The following DHX57 variants were observed in gnomAD, a reference collection of about 807,000 sequenced individuals.
DHX57 encodes the protein DExH-box helicase 57, also known as putative ATP-dependent RNA helicase DHX57.
Under a neutral mutation model 156.2 loss-of-function variants are expected in DHX57, and 105 were observed. The observed-to-expected ratio is 0.67, with a 90% CI of 0.57 to 0.79. The LOEUF (loss-of-function observed/expected upper bound fraction) is 0.79, where lower values mean the gene tolerates loss of function less well. Among genes scored for constraint, DHX57 ranks in the 30% least tolerant of loss-of-function variants. DHX57 has a pLI of 0.00. For missense variants in DHX57, 1,847 were observed against 1,661.9 expected (o/e 1.11, Z -1.94); for synonymous variants, 704 against 595.6 (o/e 1.18, Z -2.65).
chr2:38,862,156 T>C lies in DHX57; in HGVS notation c.561A>G (p.Gln187=), dbSNP rs559907608. ...PEFTVSPFAV[Q]KLSRYGFNTE... ...ATCAAAGCAATCACCTGGAAAGTTT[T>C]TGCACTGCAAATGGGGAGACTGTAA... Residue 187 remains glutamine (Q), a synonymous_variant, in exon 4 of 24, where the codon CAA becomes CAG. Transcript: ENST00000457308. 56 of 1,595,558 alleles carry C rather than the reference T, an allele frequency of 3.5e-5. No individual in the cohort carries two copies. Among genetic ancestry groups the C allele is most frequent in the Non-Finnish European group, 4.8e-5 (56 of 1,169,890 alleles).
intron 21 of DHX57, among the ~76,000 whole-genome samples, chr2:38,811,993 A>G (rs1670272188): frequency 6.6e-6 from 1 of 152,092 alleles, no homozygotes; most frequent in Non-Finnish European, 1.5e-5. Flanking sequence ...TCCTGAGCTC[A>G]AGCAATCCGC....
At chr2:38,816,020 T>C in intron 19 of DHX57, 1 of 411,276 alleles carries the variant, frequency 2.4e-6, no homozygotes, top group South Asian at 1.9e-5. Context: ...GAATTCCAAC[T>C]CCAAGTGCTG....
chr2:38,853,935 C>T (rs1031354393), intron 9 of DHX57, 119 bp downstream of exon 9: 22 of 1,030,266 alleles, frequency 2.1e-5, no homozygotes, highest in Middle Eastern at 3.0e-4. Flanking sequence ...CATAGGCCTT[C>T]CTTGTGGCAA....
chr2:38,844,226 C>A (rs142735611), intron 11 of DHX57, among the ~76,000 whole-genome samples: 2,506 of 152,224 alleles, frequency 0.016, 68 homozygotes, highest in African/African-American at 0.056. Flanking sequence ...AATAAGTATA[C>A]TTTCAAGGAG....
rs1572715161 is a variant in DHX57 at position 38,868,234 on chromosome 2, A to G, written c.172T>C (p.Trp58Arg). Reference protein sequence around the residue: ...GGNRKASSRIWDDGDDFCIFS... With the variant: ...GGNRKASSRIRDDGDDFCIFS... Reference sequence around the variant, plus strand: ...ATACAAAAGTCATCTCCATCATCCCATATTCTACTGGAGGCCTTTCTGTTG... The same window carrying G: ...ATACAAAAGTCATCTCCATCATCCCGTATTCTACTGGAGGCCTTTCTGTTG... Residue 58 changes from tryptophan to arginine, a missense_variant, in exon 2 of 24, where the codon TGG becomes CGG. Transcript: ENST00000457308. The G allele has an allele frequency of 6.2e-7, 1 of 1,614,044 alleles. No individual in the cohort carries two copies. Among genetic ancestry groups the G allele is most frequent in the South Asian group, 1.1e-5 (1 of 91,082 alleles).
chr2:38,846,547 T>C (rs1011800209), intron 11 of DHX57, among the ~76,000 whole-genome samples: 3 of 150,692 alleles, frequency 2.0e-5, no homozygotes, highest in Admixed American at 2.0e-4. Flanking sequence ...GAGCCAGGTA[T>C]TCGAGGCTGC....
In DHX57 at chr2:38,847,019, C is replaced by T. The variant is rs778102683; in HGVS notation, c.2219G>A (p.Arg740Lys). The T allele has an allele frequency of 1.2e-6, 2 of 1,612,118 alleles. No homozygotes were observed. The highest frequency in any genetic ancestry group is 1.7e-5 in the Admixed American group (1 of 59,972). The stretch of plus-strand genomic sequence containing the variant: ...GAATCTTAATTAATATCTTCCTTAC[C>T]TTGTCACAGCAATTGCATCTTCCAA... The part of the protein sequence containing the change: ...FFLEDAIAVT[R>K]YVLQDGSPYM... Residue 740 changes from arginine to lysine, a missense_variant and splice_region_variant, in exon 11 of 24, where the codon AGG (arginine) becomes AAG (lysine). By Grantham distance (26) the Arg-to-Lys change is conservative. Transcript: ENST00000457308.
chr2:38,837,497 G>C (rs1396157974), intron 13 of DHX57, among the ~76,000 whole-genome samples: 1 of 150,662 alleles, frequency 6.6e-6, no homozygotes, highest in African/African-American at 2.4e-5. Context: ...TGTAATCCCA[G>C]CTACTCAGGA....
intron 1 of DHX57, among the ~76,000 whole-genome samples, chr2:38,872,992 AT>A (rs575417404): frequency 1.7e-3 from 241 of 145,470 alleles, no homozygotes; most frequent in East Asian, 9.6e-3. Flanking sequence ...ACCTCAATAC[AT>A]TTTTTTTTTT....
At chr2:38,821,551 G>A (rs752063102) in intron 17 of DHX57, among the ~76,000 whole-genome samples, 5 of 151,984 alleles carry the variant, frequency 3.3e-5, no homozygotes, top group Non-Finnish European at 7.4e-5. Flanking sequence ...AAATTAGCTG[G>A]GCATGGTGGC....
At chr2:38,842,124 T>C (rs768775324) in intron 12 of DHX57, among the ~76,000 whole-genome samples, 1 of 152,194 alleles carries the variant, frequency 6.6e-6, no homozygotes, top group Non-Finnish European at 1.5e-5. Flanking sequence ...ATGTGCCTTT[T>C]GATATGATGC....
At chr2:38,873,037 G>C (rs192346459) in intron 1 of DHX57, among the ~76,000 whole-genome samples, 1 of 151,996 alleles carries the variant, frequency 6.6e-6, no homozygotes, top group East Asian at 1.9e-4. Flanking sequence ...GCCCAGGCTG[G>C]AGTGCAGTGG....
intron 6 of DHX57, 30 bp from the exon 7 acceptor site, chr2:38,856,491 G>A: frequency 6.4e-7 from 1 of 1,564,160 alleles, no homozygotes; most frequent in South Asian, 1.2e-5. Flanking sequence ...GATATCAGTT[G>A]GGTTACTTTT....
At chr2:38,828,176 A>G (rs1671199804) in intron 14 of DHX57, among the ~76,000 whole-genome samples, 164 bp downstream of exon 14, 1 of 152,202 alleles carries the variant, frequency 6.6e-6, no homozygotes, top group South Asian at 2.1e-4. Context: ...TTTAATAAAA[A>G]GGGAATAACT....
rs12623274 is a variant in DHX57 at position 38,838,318 on chromosome 2, C to T, written c.2426-371G>A. 5.2e-3 allele frequency among the ~76,000 whole-genome samples: 786 copies of T among 152,250 alleles called. 51 individuals are homozygous for T. The East Asian group carries it at 0.13, about 25-fold the overall frequency. On this transcript the variant is annotated intron_variant, in intron 12 of 23. Coordinates refer to ENST00000457308, the MANE Select transcript of DHX57 (RefSeq NM_198963.3). The stretch of plus-strand genomic sequence containing the variant: ...GTCTTGCTGTGTTGCCCAGGCTGGT[C>T]TCGAACTCCCAGGCTAAGGCAGTCC...
In DHX57 at chr2:38,798,280, C is replaced by G; in HGVS notation, c.*19G>C. On this transcript the variant is annotated 3_prime_UTR_variant, in exon 24 of 24. Transcript: ENST00000457308. Reference sequence around the variant, plus strand: ...GAGCTAGAAGCAGGTGAGTAGCAAGCACTCTCTAAGACTGCTTTTTATTGT... The same window carrying G: ...GAGCTAGAAGCAGGTGAGTAGCAAGGACTCTCTAAGACTGCTTTTTATTGT... 1 of 1,600,286 alleles carries G rather than the reference C, an allele frequency of 6.2e-7. No homozygotes were observed.
rs1032843166 is a variant in DHX57, at chr2:38,797,844, T to G, written c.*455A>C. 1.8e-5 allele frequency: 3 copies of G among 163,356 alleles called. No individual in the cohort carries two copies. The highest frequency in any genetic ancestry group is 6.6e-5 in the Admixed American group (1 of 15,172). 10.1% of individuals were successfully genotyped at this position (163,356 alleles called of 1,614,324 possible). A position where few individuals can be genotyped will look rare whatever the true frequency, so the allele number is the denominator to read the frequency against. ...TTTTGCTTGTTCACATAATTTTGGG[T>G]TTTTTTTCCCCTTCTCTGTTCTGAC... On this transcript the variant is annotated 3_prime_UTR_variant, in exon 24 of 24. Coordinates refer to ENST00000457308, the MANE Select transcript of DHX57 (RefSeq NM_198963.3).
At chr2:38,806,432 A>G (rs918757620) in intron 22 of DHX57, 127 bp downstream of exon 22, 7 of 1,033,870 alleles carry the variant, frequency 6.8e-6, no homozygotes, top group Admixed American at 5.1e-5. Context: ...TTCTTATTCA[A>G]TCTTCCCTCA....
intron 15 of DHX57, among the ~76,000 whole-genome samples, chr2:38,826,313 G>C (rs1052411089): frequency 3.3e-5 from 5 of 152,146 alleles, no homozygotes; most frequent in Non-Finnish European, 1.5e-5. Flanking sequence ...GAGAGAAAAA[G>C]CAATTCATTA....
Sources: gnomAD v4.1 joint callset for allele counts (sites outside exome capture counted in the v4.1 genomes callset) on GRCh38, gnomAD v4.1.1 for gene constraint, MANE v1.5 for transcripts, NCBI Gene and HGNC (gene_info 2026-07-23, HGNC 2026-07-21) for gene names.